FIBCD1: variants seen among roughly 807,000 people sequenced by gnomAD.
FIBCD1 encodes the protein fibrinogen C domain-containing protein 1.
In FIBCD1, 47 loss-of-function variants were observed where a neutral mutation model predicts 45.1. That is an observed-to-expected ratio of 1.04 (90% CI 0.82 to 1.33). FIBCD1 has a LOEUF of 1.33. FIBCD1 is among the 40% of genes most tolerant of loss of function. The pLI is 0.00. For missense variants in FIBCD1, 653 were observed against 682.2 expected, an observed-to-expected ratio of 0.96 and a Z score of 0.48; for synonymous variants, 313 against 308.1, an observed-to-expected ratio of 1.02 and a Z score of -0.17.
rs1564338375 is a variant in FIBCD1 at position 130,922,925 on chromosome 9, G to A, written c.849+819C>T. Among the ~76,000 whole-genome samples the A allele has an allele frequency of 6.6e-6, 1 of 152,138 alleles. No individual in the cohort carries two copies. The highest frequency in any genetic ancestry group is 1.5e-5 in the Non-Finnish European group (1 of 67,990). On this transcript the variant is annotated intron_variant, in intron 4 of 6. Coordinates refer to ENST00000372338, the MANE Select transcript of FIBCD1 (RefSeq NM_032843.5). This position sits in a 1 kb window ranked among gnomAD's most constrained non-coding sequence, Gnocchi z 4.5. ...CCTGCTTTAATGGCTCATGAGAAAT[G>A]CCCCCTTCTCCAGGAAGCTTTACCC... is the stretch of plus-strand genomic sequence containing the variant.
intron 4 of FIBCD1, among the ~76,000 whole-genome samples, chr9:130,912,187 A>G (rs1832067346): frequency 6.6e-6 from 1 of 152,096 alleles, no homozygotes; most frequent in African/African-American, 2.4e-5. Context: ...CCGGAATCCC[A>G]GCAAGGAAGG....
chr9:130,940,051 G>C (rs975823071), upstream of FIBCD1, among the ~76,000 whole-genome samples: 2 of 151,728 alleles, frequency 1.3e-5, no homozygotes, highest in Non-Finnish European at 2.9e-5. Context: ...TCCGGCTCCC[G>C]GGGCGCCTTG....
chr9:130,910,388 C>T (rs1832015089), intron 5 of FIBCD1, among the ~76,000 whole-genome samples: 1 of 152,236 alleles, frequency 6.6e-6, no homozygotes, highest in African/African-American at 2.4e-5. Context: ...TGCAGCCCGC[C>T]ATGCCTGAGC....
intron 5 of FIBCD1, among the ~76,000 whole-genome samples, chr9:130,911,400 C>CT (rs1472920728): frequency 1.3e-5 from 2 of 152,204 alleles, no homozygotes; most frequent in Non-Finnish European, 2.9e-5. Context: ...TGCCTGGTGT[C>CT]CCTGGCACCC....
chr9:130,905,198 C>T (rs763857694), intron 6 of FIBCD1, 36 bp downstream of exon 6: 92 of 1,590,724 alleles, frequency 5.8e-5, no homozygotes, highest in Middle Eastern at 3.3e-4. Flanking sequence ...CCCAGGCCGC[C>T]CCCCTTCCCC....
chr9:130,914,742 G>T (rs927441997), intron 4 of FIBCD1, among the ~76,000 whole-genome samples: 5 of 152,232 alleles, frequency 3.3e-5, no homozygotes, highest in Non-Finnish European at 7.4e-5. Flanking sequence ...CCACTGGGAC[G>T]CCTGGAACCA....
rs1471242080 is a variant in FIBCD1, at chr9:130,924,376, G to A, written c.573C>T (p.Gly191=). 8 of 1,609,386 alleles carry A rather than the reference G, an allele frequency of 5.0e-6. No homozygotes were observed. In the Admixed American group the frequency reaches 1.3e-4, roughly 27 times the overall value. Reference sequence around the variant, plus strand: ...CGGAGTTCACCAGGTGAGCCATGTGGCCCTGGCTCTCAGAGAGAAGCTGCG... The same window carrying A: ...CGGAGTTCACCAGGTGAGCCATGTGACCCTGGCTCTCAGAGAGAAGCTGCG... ...RLIQLLSESQ[G]HMAHLVNSVS... The change falls in exon 3 of 7, where the codon GGC becomes GGT. Residue 191 remains glycine, a synonymous_variant. Coordinates refer to ENST00000372338, the MANE Select transcript of FIBCD1 (RefSeq NM_032843.5).
chr9:130,937,817 C>T (rs936639853), intron 1 of FIBCD1, among the ~76,000 whole-genome samples: 6 of 152,148 alleles, frequency 3.9e-5, no homozygotes, highest in Non-Finnish European at 5.9e-5. Context: ...CCGCTTCCAC[C>T]GCACAGCCCT....
intron 4 of FIBCD1, among the ~76,000 whole-genome samples, chr9:130,915,354 A>G (rs1564335701): frequency 6.6e-6 from 1 of 152,080 alleles, no homozygotes; most frequent in Non-Finnish European, 1.5e-5. Flanking sequence ...GGACACTGAA[A>G]CCACATACGG....
At chr9:130,921,083 T>C (rs575047619) in intron 4 of FIBCD1, among the ~76,000 whole-genome samples, 41 of 152,228 alleles carry the variant, frequency 2.7e-4, no homozygotes, top group African/African-American at 9.9e-4. Context: ...GGCAGGGGTG[T>C]ATGAACTGTA....
chr9:130,937,701 C>A (rs1241807952), intron 1 of FIBCD1, among the ~76,000 whole-genome samples: 1 of 152,224 alleles, frequency 6.6e-6, no homozygotes, highest in African/African-American at 2.4e-5. Flanking sequence ...CGCCTGCCTG[C>A]CCCAGTCCCT....
chr9:130,939,817 C>T (rs1047200711), upstream of FIBCD1, among the ~76,000 whole-genome samples: 1 of 152,158 alleles, frequency 6.6e-6, no homozygotes, highest in Non-Finnish European at 1.5e-5. Context: ...GAGCGGCCTT[C>T]GGAGGTAATT....
upstream of FIBCD1, among the ~76,000 whole-genome samples, chr9:130,939,611 C>T (rs1378149044): frequency 6.6e-6 from 1 of 152,002 alleles, no homozygotes; most frequent in Non-Finnish European, 1.5e-5. Context: ...CTGCCACAGC[C>T]GCCGGCGCTG....
intron 1 of FIBCD1, 104 bp downstream of exon 1, chr9:130,938,432 T>C: frequency 1.0e-6 from 1 of 983,680 alleles, no homozygotes; most frequent in Non-Finnish European, 1.4e-6. Context: ...CTCGAAGGGG[T>C]GCGCCCCAAA....
chr9:130,911,717 C>G lies in FIBCD1; in HGVS notation c.946+75G>C. 3 of 1,355,798 alleles carry G rather than the reference C, an allele frequency of 2.2e-6. No individual in the cohort carries two copies. In the South Asian group the frequency reaches 3.8e-5, roughly 17 times the overall value. 84.0% of individuals were successfully genotyped at this position (1,355,798 alleles called of 1,614,324 possible). Reference sequence around the variant, plus strand: ...ACCCAGCCCAAACCCATTCAGGGAGCAGCTGGGACCCAACTGTGTCCGGAA... The same window carrying G: ...ACCCAGCCCAAACCCATTCAGGGAGGAGCTGGGACCCAACTGTGTCCGGAA... On this transcript the variant is annotated intron_variant, in intron 5 of 6. Transcript: ENST00000372338.
Position 130,904,248 on chromosome 9 carries a change from C to T in FIBCD1, c.1202G>A (p.Cys401Tyr), listed in dbSNP as rs771777726. ...DRDSDHSENNCAAFYRGAWWY... is the reference protein window; with the variant it reads ...DRDSDHSENNYAAFYRGAWWY... ...CCAGGCACCGCGGTAGAAGGCGGCACAGTTGTTCTCTGAATGGTCGCTGTC... is the reference window on the plus strand; with the variant it reads ...CCAGGCACCGCGGTAGAAGGCGGCATAGTTGTTCTCTGAATGGTCGCTGTC... The change falls in exon 7 of 7, where the codon TGT (cysteine) becomes TAT (tyrosine). Residue 401 changes from cysteine to tyrosine, a missense_variant. Cys to Tyr is a radical substitution (Grantham distance 194). Transcript: ENST00000372338. 4.6e-5 allele frequency: 74 copies of T among 1,613,648 alleles called. No homozygotes were observed. Among genetic ancestry groups the T allele is most frequent in the Non-Finnish European group, 6.0e-5 (71 of 1,180,010 alleles).
chr9:130,908,200 G>A (rs993188489), intron 5 of FIBCD1, among the ~76,000 whole-genome samples: 2 of 152,214 alleles, frequency 1.3e-5, no homozygotes, highest in Non-Finnish European at 2.9e-5. Flanking sequence ...TGACTCGATA[G>A]GAAAAGACAA....
chr9:130,903,749 A>C lies in FIBCD1; in HGVS notation c.*315T>G. ...GAGGGTGCCTGGGGCAGACTCCACC[A>C]TCCTGGCCAGGGGACGGCAAACAGC... On this transcript the variant is annotated 3_prime_UTR_variant, in exon 7 of 7. Transcript: ENST00000372338. 4 of 484,350 alleles carry C rather than the reference A, an allele frequency of 8.3e-6. No individual in the cohort carries two copies. Among genetic ancestry groups the C allele is most frequent in the South Asian group, 8.1e-5 (4 of 49,080 alleles). The allele number at this position is 484,350 out of a possible 1,614,324, so 30.0% of individuals were successfully genotyped here.
In FIBCD1 at chr9:130,929,704, T is replaced by A; in HGVS notation, c.415A>T (p.Thr139Ser). ...VGDQEQELLD[T>S]LADQLPRLLA... ...AGCCGGGGCAGCTGGTCGGCCAGCG[T>A]GTCCAGCAGCTCCTGCTCCTGGTCG... is the stretch of plus-strand genomic sequence containing the variant. Residue 139 changes from threonine (T) to serine (S), a missense_variant, in exon 2 of 7, where the codon ACG becomes TCG. By Grantham distance (58) the Thr-to-Ser change is moderately conservative. Coordinates refer to ENST00000372338, the MANE Select transcript of FIBCD1 (RefSeq NM_032843.5). 6.2e-7 allele frequency: 1 copy of A among 1,602,786 alleles called. No homozygotes were observed. The highest frequency in any genetic ancestry group is 8.5e-7 in the Non-Finnish European group (1 of 1,175,472).
Sources: allele counts gnomAD v4.1 joint callset (sites outside exome capture counted in the v4.1 genomes callset), GRCh38; gene constraint gnomAD v4.1.1; non-coding constraint Gnocchi (gnomAD v3.1); transcripts MANE v1.5; gene names NCBI Gene and HGNC (gene_info 2026-07-23, HGNC 2026-07-21).